The following GAN variants were observed in gnomAD, a reference collection of about 807,000 sequenced individuals.
The protein encoded by GAN is gigaxonin, also known as epididymis secretory sperm binding protein.
A neutral mutation model predicts 71.3 loss-of-function variants in GAN; 48 were observed. That is an observed-to-expected ratio of 0.67 (90% CI 0.53 to 0.86). The LOEUF is 0.86. Ranked by LOEUF, GAN falls within the 40% of genes least tolerant of loss-of-function variation. GAN has a pLI of 0.00. For missense variants in GAN, 928 were observed against 770.1 expected (o/e 1.21, Z -2.43); for synonymous variants, 386 against 276.8 (o/e 1.39, Z -3.92).
At chr16:81,367,451 C>G (rs1018957182) in intron 9 of GAN, among the ~76,000 whole-genome samples, 5 of 152,068 alleles carry the variant, frequency 3.3e-5, no homozygotes, top group African/African-American at 1.2e-4. Context: ...ATTGGTTGAA[C>G]CCAGGAGGTG....
At chr16:81,348,368 C>CATTTT (rs1224717519) in intron 1 of GAN, among the ~76,000 whole-genome samples, 1 of 152,102 alleles carries the variant, frequency 6.6e-6, no homozygotes, top group Non-Finnish European at 1.5e-5. Flanking sequence ...TTGAACTTTT[C>CATTTT]ATTTTAGCAC....
chr16:81,333,082 A>G (rs778963248), intron 1 of GAN, among the ~76,000 whole-genome samples: 1 of 152,110 alleles, frequency 6.6e-6, no homozygotes, highest in Non-Finnish European at 1.5e-5. Context: ...TACCAAAAAT[A>G]CAAAACAAAA....
chr16:81,353,318 A>T (rs1910367651), intron 2 of GAN, among the ~76,000 whole-genome samples: 1 of 151,750 alleles, frequency 6.6e-6, no homozygotes, highest in African/African-American at 2.4e-5. Context: ...GATAGTTGGA[A>T]TGTAAGTTAT....
chr16:81,362,302 T>G (rs1374730263), intron 5 of GAN, among the ~76,000 whole-genome samples, 197 bp from the exon 6 acceptor site: 1 of 152,132 alleles, frequency 6.6e-6, no homozygotes, highest in Non-Finnish European at 1.5e-5. Flanking sequence ...AAGACAGTAA[T>G]GAGTAAAGCA....
intron 1 of GAN, among the ~76,000 whole-genome samples, chr16:81,330,383 A>G (rs1909535491): frequency 6.6e-6 from 1 of 152,264 alleles, no homozygotes; most frequent in Admixed American, 6.5e-5. Flanking sequence ...GGCTTTGTGC[A>G]GGGCACAGGA....
intron 9 of GAN, among the ~76,000 whole-genome samples, chr16:81,370,078 G>C (rs902176959): frequency 3.9e-5 from 6 of 152,188 alleles, no homozygotes; most frequent in Non-Finnish European, 7.3e-5. Flanking sequence ...GAAGCAGTTT[G>C]CTTTTACTTG....
chr16:81,334,254 A>G (rs1440968740), intron 1 of GAN, among the ~76,000 whole-genome samples: 1 of 152,142 alleles, frequency 6.6e-6, no homozygotes, highest in Admixed American at 6.5e-5. Context: ...TGTGTTGCAT[A>G]GTTGGGGGAA....
intron 1 of GAN, among the ~76,000 whole-genome samples, chr16:81,331,164 C>A (rs1464232969): frequency 1.3e-5 from 2 of 152,186 alleles, no homozygotes; most frequent in Non-Finnish European, 2.9e-5. Context: ...GTGCTCGCAC[C>A]ACTGCGCTCT....
chr16:81,364,684 G>C (rs940083319), intron 7 of GAN, among the ~76,000 whole-genome samples: 1 of 152,128 alleles, frequency 6.6e-6, no homozygotes, highest in African/African-American at 2.4e-5. Context: ...ACGAGACCCT[G>C]TCTCTAATAA....
chr16:81,337,450 A>C (rs1482976323), intron 1 of GAN, among the ~76,000 whole-genome samples: 1 of 152,234 alleles, frequency 6.6e-6, no homozygotes, highest in Non-Finnish European at 1.5e-5. Context: ...ACTTAGACTT[A>C]TTCTCTATCA....
rs779203584 is a variant in GAN, at chr16:81,362,580, A to G, written c.1055A>G (p.Asn352Ser). The change falls in exon 6 of 11, where the codon AAT becomes AGT. Residue 352 changes from asparagine to serine, a missense_variant. Asn to Ser is a conservative substitution (Grantham distance 46, BLOSUM62 1). Transcript: ENST00000648994. ...SSGEKYDPDANTWTALPPMNE... is the reference protein window; with the variant it reads ...SSGEKYDPDASTWTALPPMNE... Reference sequence around the variant, plus strand: ...GGAGAAAAGTATGATCCAGATGCAAATACATGGACAGCATTGCCACCTATG... The same window carrying G: ...GGAGAAAAGTATGATCCAGATGCAAGTACATGGACAGCATTGCCACCTATG... 2 of 1,593,652 alleles carry G rather than the reference A, an allele frequency of 1.3e-6. No individual in the cohort carries two copies. The highest frequency in any genetic ancestry group is 1.7e-5 in the Admixed American group (1 of 60,006).
rs190851738 is a variant in GAN, at chr16:81,373,803, C to T, written c.1503-3416C>T. Among the ~76,000 whole-genome samples, 86 of 152,240 alleles carry T rather than the reference C, an allele frequency of 5.6e-4. 1 individual carries two copies. The highest frequency in any genetic ancestry group is 6.8e-3 in the Middle Eastern group (2 of 294). On this transcript the variant is annotated intron_variant, in intron 9 of 10. Transcript: ENST00000648994. ...CTGTCAGCAGGCTGGAGTGCAATGG[C>T]GCGATCTCAGCTCACTGCAACCTCC...
intron 5 of GAN, among the ~76,000 whole-genome samples, chr16:81,358,900 A>T (rs754890318): frequency 1.6e-4 from 25 of 152,068 alleles, no homozygotes; most frequent in Non-Finnish European, 2.9e-4. Flanking sequence ...TGCAGTCCTT[A>T]TTTAATTGTG....
At position 81,315,033 on chromosome 16, in the gene GAN, C is replaced by T; in HGVS notation, c.-81C>T. 8.5e-7 allele frequency: 1 copy of T among 1,171,302 alleles called. No homozygotes were observed. Among genetic ancestry groups the T allele is most frequent in the Middle Eastern group, 3.1e-4 (1 of 3,242 alleles). 72.6% of individuals were successfully genotyped at this position (1,171,302 alleles called of 1,614,324 possible). Reference sequence around the variant, plus strand: ...CGGAGAGCCGGGCCGGGCGGGCGCGCGCGCAGGACTCGGGCCGCTCGAGGG... The same window carrying T: ...CGGAGAGCCGGGCCGGGCGGGCGCGTGCGCAGGACTCGGGCCGCTCGAGGG... On this transcript the variant is annotated 5_prime_UTR_variant, in exon 1 of 11. Transcript: ENST00000648994.
intron 1 of GAN, among the ~76,000 whole-genome samples, chr16:81,333,902 G>A (rs1478422813): frequency 6.6e-6 from 1 of 152,070 alleles, no homozygotes; most frequent in African/African-American, 2.4e-5. Flanking sequence ...CACAATCCTG[G>A]GGTGCTGTGT....
intron 2 of GAN, 148 bp downstream of exon 2, chr16:81,351,845 A>G (rs1396983846): frequency 1.4e-6 from 1 of 699,558 alleles, no homozygotes; most frequent in Non-Finnish European, 2.6e-6. Flanking sequence ...CCTACTGGTA[A>G]TGGCACCCCA....
At chr16:81,371,360 C>G (rs890707803) in intron 9 of GAN, among the ~76,000 whole-genome samples, 5 of 152,146 alleles carry the variant, frequency 3.3e-5, no homozygotes, top group African/African-American at 1.2e-4. Context: ...TTTTCTGGCT[C>G]TTCTTCTGTT....
intron 1 of GAN, among the ~76,000 whole-genome samples, chr16:81,331,629 G>A (rs1014580844): frequency 3.3e-5 from 5 of 152,104 alleles, no homozygotes; most frequent in African/African-American, 9.7e-5. Context: ...CTTCAGGAAC[G>A]GCTCTTCCCC....
At chr16:81,349,309 T>G (rs1231844551) in intron 1 of GAN, among the ~76,000 whole-genome samples, 1 of 152,180 alleles carries the variant, frequency 6.6e-6, no homozygotes, top group Non-Finnish European at 1.5e-5. Flanking sequence ...GGATTAAGTT[T>G]CCTCAGATAC....
Sources: allele counts gnomAD v4.1 joint callset (sites outside exome capture counted in the v4.1 genomes callset), GRCh38; gene constraint gnomAD v4.1.1; transcripts MANE v1.5; gene names NCBI Gene and HGNC (gene_info 2026-07-23, HGNC 2026-07-21).